Variants in IGF1R observed in about 807,000 individuals in gnomAD.
IGF1R encodes insulin-like growth factor 1 receptor.
IGF1R carries 44 observed loss-of-function variants against 144.6 expected under a neutral mutation model. That is an observed-to-expected ratio of 0.30 (90% CI 0.24 to 0.39). IGF1R has a LOEUF of 0.39. Ranked by LOEUF, IGF1R falls within the 10% of genes least tolerant of loss-of-function variation. The pLI is 1.00. For missense variants in IGF1R, 1,355 were observed against 1,833.7 expected (o/e 0.74, Z 4.77); for synonymous variants, 795 against 722.8 (o/e 1.10, Z -1.60).
At chr15:98,649,710 G>C in intron 1 of IGF1R, 35 bp downstream of exon 1, 1 of 1,504,858 alleles carries the variant, frequency 6.6e-7, no homozygotes, top group South Asian at 1.1e-5. Flanking sequence ...GCCACTGCGG[G>C]AACTTTTCCT....
At chr15:98,846,379 T>A (rs2011328834) in intron 2 of IGF1R, among the ~76,000 whole-genome samples, 1 of 152,108 alleles carries the variant, frequency 6.6e-6, no homozygotes, top group Non-Finnish European at 1.5e-5. Context: ...CCTTATTAAA[T>A]TTGGAAATAA....
chr15:98,949,035 T>G (rs779804196), intron 20 of IGF1R, among the ~76,000 whole-genome samples: 4 of 152,174 alleles, frequency 2.6e-5, no homozygotes, highest in Non-Finnish European at 5.9e-5. Flanking sequence ...TGTGAGGTTT[T>G]TGTTTCTTTT....
chr15:98,674,294 G>T (rs190304460), intron 1 of IGF1R, among the ~76,000 whole-genome samples: 30 of 152,270 alleles, frequency 2.0e-4, no homozygotes, highest in Admixed American at 9.2e-4. Context: ...ATGAAAGCAG[G>T]AACTGTGTTC....
chr15:98,891,602 G>C lies in IGF1R; in HGVS notation c.918G>C (p.Glu306Asp). Residue 306 changes from glutamate (E) to aspartate (D), a missense_variant, in exon 3 of 21, where the codon GAG becomes GAC. This residue lies in a region of IGF1R where 880 missense variants were observed against 1,202.7 expected (regional missense o/e 0.73). Transcript: ENST00000650285. This position sits in a 1 kb window ranked among gnomAD's most constrained non-coding sequence, Gnocchi z 4.7. The part of the protein sequence containing the change: ...FVIHDGECMQ[E>D]CPSGFIRNGS... ...TCCACGACGGCGAGTGCATGCAGGA[G>C]TGCCCCTCGGGCTTCATCCGCAACG... 1 of 1,602,942 alleles carries C rather than the reference G, an allele frequency of 6.2e-7. No individual in the cohort carries two copies. The highest frequency in any genetic ancestry group is 8.5e-7 in the Non-Finnish European group (1 of 1,179,966).
intron 1 of IGF1R, among the ~76,000 whole-genome samples, chr15:98,697,241 C>T (rs535141426): frequency 4.2e-4 from 64 of 152,274 alleles, no homozygotes; most frequent in African/African-American, 1.5e-3. Context: ...AAAATCAACG[C>T]AGTCGGTTGT....
intron 1 of IGF1R, among the ~76,000 whole-genome samples, chr15:98,658,533 AAT>A: frequency 1.3e-5 from 2 of 152,214 alleles, no homozygotes; most frequent in Admixed American, 1.3e-4. Flanking sequence ...AAATTGAAAT[AAT>A]TTCCAAGTTC....
At chr15:98,831,031 G>T (rs974110349) in intron 2 of IGF1R, among the ~76,000 whole-genome samples, 64 of 152,184 alleles carry the variant, frequency 4.2e-4, no homozygotes, top group African/African-American at 1.5e-3. Context: ...AACTAACAGA[G>T]TGAGAACTCA....
intron 2 of IGF1R, among the ~76,000 whole-genome samples, chr15:98,861,324 T>C (rs569356295): frequency 1.3e-5 from 2 of 152,322 alleles, no homozygotes; most frequent in Admixed American, 6.5e-5. Context: ...AAGTTTGTTA[T>C]CGGTCTTCTC....
chr15:98,801,209 A>C (rs2141435809), intron 2 of IGF1R, among the ~76,000 whole-genome samples: 1 of 152,208 alleles, frequency 6.6e-6, no homozygotes, highest in Admixed American at 6.5e-5. Flanking sequence ...TTAGGAGGTG[A>C]CTTCTACCTG....
At position 98,896,903 on chromosome 15, in the gene IGF1R, G is replaced by A. The variant is rs2151652771; in HGVS notation, c.1100G>A (p.Gly367Glu). The change falls in exon 4 of 21, where the codon GGG becomes GAG. Residue 367 changes from glycine (G) to glutamate (E), a missense_variant and splice_region_variant. Gly to Glu is a moderately conservative substitution (Grantham distance 98). This residue lies in a region of IGF1R where 880 missense variants were observed against 1,202.7 expected (regional missense o/e 0.73). Coordinates refer to ENST00000650285, the MANE Select transcript of IGF1R (RefSeq NM_000875.5). ...KGNLLINIRRGNNIASELENF... is the reference protein window; with the variant it reads ...KGNLLINIRRENNIASELENF... ...AATTTGCTCATTAACATCCGACGGG[G>A]GAGTAAGTATTCCATCCCCCTGGAA... is the stretch of plus-strand genomic sequence containing the variant. 1.2e-6 allele frequency: 2 copies of A among 1,613,894 alleles called. No individual in the cohort carries two copies. Among genetic ancestry groups the A allele is most frequent in the Non-Finnish European group, 8.5e-7 (1 of 1,179,954 alleles).
At chr15:98,895,012 C>A (rs2014109508) in intron 3 of IGF1R, among the ~76,000 whole-genome samples, 2 of 133,560 alleles carry the variant, frequency 1.5e-5, no homozygotes, top group Admixed American at 1.6e-4. Context: ...CAGAGTGAGA[C>A]CCTGTCTCAA....
intron 1 of IGF1R, among the ~76,000 whole-genome samples, chr15:98,653,123 A>C (rs566161254): frequency 6.6e-6 from 1 of 152,262 alleles, no homozygotes; most frequent in South Asian, 2.1e-4. Context: ...CAGGGATTCA[A>C]TCCCGCAGTA....
intron 1 of IGF1R, among the ~76,000 whole-genome samples, chr15:98,690,473 A>G (rs1349452321): frequency 2.0e-5 from 3 of 152,216 alleles, no homozygotes; most frequent in African/African-American, 7.2e-5. Flanking sequence ...AGCTTTGCAG[A>G]TACTTGCTAT....
intron 2 of IGF1R, among the ~76,000 whole-genome samples, chr15:98,871,821 A>G (rs2012802832): frequency 6.6e-6 from 1 of 152,254 alleles, no homozygotes; most frequent in Non-Finnish European, 1.5e-5. Context: ...TATAGGAGCT[A>G]CAAGATGAGA....
At chr15:98,750,459 C>G (rs982681802) in intron 2 of IGF1R, among the ~76,000 whole-genome samples, 2 of 152,154 alleles carry the variant, frequency 1.3e-5, no homozygotes, top group Non-Finnish European at 2.9e-5. Flanking sequence ...GAGTTGGAGC[C>G]ACAGTCCAAA....
In IGF1R at chr15:98,935,369, A is replaced by G; in HGVS notation, c.3240A>G (p.Glu1080=). Residue 1080 remains glutamate (E), a synonymous_variant, in exon 17 of 21, where the codon GAA becomes GAG. Transcript: ENST00000650285. This position sits in a 1 kb window ranked among gnomAD's most constrained non-coding sequence, Gnocchi z 4.2. ...GCCAGCCAACACTGGTCATCATGGAACTGATGACACGGGGCGATCTCAAAA... is the reference window on the plus strand; with the variant it reads ...GCCAGCCAACACTGGTCATCATGGAGCTGATGACACGGGGCGATCTCAAAA... The part of the protein sequence containing the change: ...SQGQPTLVIM[E]LMTRGDLKSY... 1 of 1,551,402 alleles carries G rather than the reference A, an allele frequency of 6.4e-7. No individual in the cohort carries two copies. The highest frequency in any genetic ancestry group is 8.7e-7 in the Non-Finnish European group (1 of 1,146,764).
intron 2 of IGF1R, among the ~76,000 whole-genome samples, chr15:98,818,600 A>G (rs1191112292): frequency 6.6e-6 from 1 of 151,976 alleles, no homozygotes; most frequent in African/African-American, 2.4e-5. Context: ...GTAGGGGTGC[A>G]GTCCTGAACC....
intron 1 of IGF1R, among the ~76,000 whole-genome samples, chr15:98,663,337 G>A (rs1451817687): frequency 6.6e-6 from 1 of 152,216 alleles, no homozygotes; most frequent in Non-Finnish European, 1.5e-5. Flanking sequence ...CACTTTTAAG[G>A]CATGGAATGG....
intron 1 of IGF1R, among the ~76,000 whole-genome samples, chr15:98,700,376 C>G (rs1212663615): frequency 6.6e-6 from 1 of 152,066 alleles, no homozygotes; most frequent in Non-Finnish European, 1.5e-5. Context: ...TTTACCTGCA[C>G]CACACTGCAG....
Sources: allele counts gnomAD v4.1 joint callset (sites outside exome capture counted in the v4.1 genomes callset), GRCh38; gene constraint gnomAD v4.1.1; regional missense constraint gnomAD v4.1.1; non-coding constraint Gnocchi (gnomAD v3.1); transcripts MANE v1.5; gene names NCBI Gene and HGNC (gene_info 2026-07-23, HGNC 2026-07-21).